SIMC1: variants seen among roughly 807,000 people sequenced by gnomAD.
SIMC1 encodes SUMO-interacting motif-containing protein 1.
Under a neutral mutation model 82.3 loss-of-function variants are expected in SIMC1, and 55 were observed. The ratio of observed to expected loss-of-function variants is 0.67; its 90% CI spans 0.54 to 0.84. The LOEUF (loss-of-function observed/expected upper bound fraction) is 0.84. SIMC1 is among the 40% of genes least tolerant of loss of function. SIMC1 has a pLI of 0.00. For missense variants in SIMC1, 915 were observed against 1,107.2 expected (o/e 0.83, Z 2.46); for synonymous variants, 353 against 426.3 (o/e 0.83, Z 2.12).
intron 7 of SIMC1, among the ~76,000 whole-genome samples, chr5:176,335,271 A>ATGTTTT (rs1471183229): frequency 1.1e-5 from 1 of 89,950 alleles, no homozygotes; most frequent in Non-Finnish European, 2.4e-5. Flanking sequence ...CTTTCTTTGT[A>ATGTTTT]TCTTTTTTTT....
At chr5:176,279,575 A>G (rs1762883686) in intron 1 of SIMC1, among the ~76,000 whole-genome samples, 2 of 149,314 alleles carry the variant, frequency 1.3e-5, no homozygotes, top group African/African-American at 2.5e-5. Context: ...TAGGGTGTCA[A>G]TTTTGGATCT....
intron 1 of SIMC1, among the ~76,000 whole-genome samples, chr5:176,285,878 A>G (rs897182150): frequency 2.0e-5 from 3 of 152,238 alleles, no homozygotes; most frequent in Non-Finnish European, 1.5e-5. Context: ...GTGAACTCCC[A>G]TTCACAATTG....
intron 4 of SIMC1, among the ~76,000 whole-genome samples, chr5:176,311,592 G>T (rs1010511418): frequency 6.6e-6 from 1 of 151,450 alleles, no homozygotes; most frequent in African/African-American, 2.4e-5. Flanking sequence ...GGGAAAATAG[G>T]TATTCTCAAG....
chr5:176,276,310 G>T (rs1762692115), intron 1 of SIMC1, among the ~76,000 whole-genome samples: 2 of 151,418 alleles, frequency 1.3e-5, no homozygotes, highest in Admixed American at 6.6e-5. Flanking sequence ...TTTGGGATCG[G>T]TGGTGATCTC....
At chr5:176,310,415 C>CA (rs769102478) in intron 4 of SIMC1, among the ~76,000 whole-genome samples, 4 of 152,290 alleles carry the variant, frequency 2.6e-5, no homozygotes, top group Non-Finnish European at 5.9e-5. Context: ...AGATGTCCTA[C>CA]AACAGGTACG....
rs1366641396 is a variant in SIMC1 at position 176,336,839 on chromosome 5, ACTT to A, written c.2292_2294del (p.Phe765del). On this transcript the variant is annotated inframe_deletion, in exon 8 of 10. Coordinates refer to ENST00000429602, the MANE Select transcript of SIMC1 (RefSeq NM_001308195.2). ...CCTCTGTCTCTGGCCCAGGCCCTCT[ACTT>A]TCTGAATAATTCTACGTCACTGCTC... 1 of 1,613,858 alleles carries A rather than the reference ACTT, an allele frequency of 6.2e-7. No homozygotes were observed. The highest frequency in any genetic ancestry group is 2.2e-5 in the East Asian group (1 of 44,874).
At position 176,345,196 on chromosome 5, in the gene SIMC1, T is replaced by G; in HGVS notation, c.2427T>G (p.Ser809Arg). ...YQHVLREHLRSSVIDRKDLII... is the reference protein window; with the variant it reads ...YQHVLREHLRRSVIDRKDLII... Reference sequence around the variant, plus strand: ...TCCCTCTTGCAGAACACTTAAGGAGTTCCGTGATCGACCGAAAGGACTTAA... The same window carrying G: ...TCCCTCTTGCAGAACACTTAAGGAGGTCCGTGATCGACCGAAAGGACTTAA... The change falls in exon 10 of 10, where the codon AGT (serine) becomes AGG (arginine). Residue 809 changes from serine (S) to arginine (R), a missense_variant. Transcript: ENST00000429602. 6.2e-7 allele frequency: 1 copy of G among 1,613,684 alleles called. No homozygotes were observed. Among genetic ancestry groups the G allele is most frequent in the Non-Finnish European group, 8.5e-7 (1 of 1,179,744 alleles).
chr5:176,273,510 AT>A (rs563586778), intron 1 of SIMC1, among the ~76,000 whole-genome samples: 25 of 151,768 alleles, frequency 1.6e-4, no homozygotes, highest in Non-Finnish European at 2.9e-4. Flanking sequence ...TGAAAAAAAA[AT>A]TTTTTTTTAT....
chr5:176,290,736 C>T lies in SIMC1; in HGVS notation c.1212C>T (p.Pro404=). 6.2e-7 allele frequency: 1 copy of T among 1,613,622 alleles called. No homozygotes were observed. Among genetic ancestry groups the T allele is most frequent in the Non-Finnish European group, 8.5e-7 (1 of 1,179,704 alleles). Reference sequence around the variant, plus strand: ...CTCCCAGCCCACAGTCTGAAACTCCCTTAGAGAAAGTTCCTTGGCTCTCTG... The same window carrying T: ...CTCCCAGCCCACAGTCTGAAACTCCTTTAGAGAAAGTTCCTTGGCTCTCTG... ...SCSPSPQSET[P]LEKVPWLSVM... Residue 404 remains proline (P), a synonymous_variant, in exon 2 of 10, where the codon CCC becomes CCT. Transcript: ENST00000429602.
chr5:176,256,767 T>C (rs1487352700), intron 1 of SIMC1, among the ~76,000 whole-genome samples: 1 of 152,160 alleles, frequency 6.6e-6, no homozygotes, highest in Non-Finnish European at 1.5e-5. Context: ...TTTTTTTTTT[T>C]AGAATCTCAC....
intron 1 of SIMC1, among the ~76,000 whole-genome samples, chr5:176,273,218 C>A (rs1383540829): frequency 6.6e-6 from 1 of 152,184 alleles, no homozygotes; most frequent in Non-Finnish European, 1.5e-5. Flanking sequence ...AGCCGGGTGC[C>A]CCTCTGAGAT....
At chr5:176,312,266 C>T (rs536586603) in intron 4 of SIMC1, among the ~76,000 whole-genome samples, 83 of 152,208 alleles carry the variant, frequency 5.5e-4, no homozygotes, top group Admixed American at 9.2e-4. Context: ...CCAGGCGCAG[C>T]GGCTCACGCC....
At chr5:176,263,613 G>C in intron 1 of SIMC1, 1 of 1,301,612 alleles carries the variant, frequency 7.7e-7, no homozygotes, top group Non-Finnish European at 1.0e-6. Flanking sequence ...TGACATTTAT[G>C]AGGGATCTGT....
intron 4 of SIMC1, among the ~76,000 whole-genome samples, chr5:176,302,432 A>G (rs1248796059): frequency 6.6e-6 from 1 of 152,204 alleles, no homozygotes; most frequent in Non-Finnish European, 1.5e-5. Context: ...TAAGGGCCAT[A>G]TGTGAAAAGC....
At chr5:176,308,304 C>G (rs138671446) in intron 4 of SIMC1, 4 of 1,461,942 alleles carry the variant, frequency 2.7e-6, no homozygotes, top group South Asian at 1.1e-5. Context: ...ATCATCTTAA[C>G]GACGTTCTGA....
chr5:176,248,936 T>A (rs529790530), intron 1 of SIMC1, among the ~76,000 whole-genome samples: 1 of 152,278 alleles, frequency 6.6e-6, no homozygotes, highest in African/African-American at 2.4e-5. Context: ...CAGCCTTGCA[T>A]CCCAGGGATG....
At position 176,281,125 on chromosome 5, in the gene SIMC1, C is replaced by T. The variant is rs1762986176; in HGVS notation, c.130-8529C>T. ...TCCCATATTTCTTGGAAGCTTTGTT[C>T]ATTTCTTTTTATTCTTTTTTCTCTA... On this transcript the variant is annotated intron_variant, in intron 1 of 9. Coordinates refer to ENST00000429602, the MANE Select transcript of SIMC1 (RefSeq NM_001308195.2). 2.0e-5 allele frequency among the ~76,000 whole-genome samples: 3 copies of T among 152,278 alleles called. No individual in the cohort carries two copies. In the South Asian group the frequency reaches 6.2e-4, roughly 32 times the overall value.
intron 4 of SIMC1, chr5:176,313,005 G>A (rs1764730747): frequency 6.0e-6 from 1 of 165,772 alleles, no homozygotes; most frequent in African/African-American, 2.4e-5. Flanking sequence ...ACAGAGCTAG[G>A]TCTAAAACAA....
chr5:176,328,724 T>C (rs919554473), intron 7 of SIMC1, among the ~76,000 whole-genome samples: 5 of 152,118 alleles, frequency 3.3e-5, no homozygotes, highest in African/African-American at 1.2e-4. Flanking sequence ...AACTGTATTT[T>C]AATAAAATAA....
Sources: gnomAD v4.1 joint callset for allele counts (sites outside exome capture counted in the v4.1 genomes callset) on GRCh38, gnomAD v4.1.1 for gene constraint, MANE v1.5 for transcripts, NCBI Gene and HGNC (gene_info 2026-07-23, HGNC 2026-07-21) for gene names.